Variants in ADD1 observed in about 807,000 individuals in gnomAD.
The protein encoded by ADD1 is adducin 1.
A neutral mutation model predicts 80.5 loss-of-function variants in ADD1; 24 were observed. That is an observed-to-expected ratio of 0.30 (90% CI 0.22 to 0.42). The LOEUF (loss-of-function observed/expected upper bound fraction) is 0.42, where lower values mean the gene tolerates loss of function less well. Ranked by LOEUF, ADD1 falls within the 10% of genes least tolerant of loss-of-function variation. The pLI is 1.00. For synonymous variants in ADD1, 373 were observed against 393.8 expected (o/e 0.95, Z 0.63); for missense variants, 948 against 1,019.0 (o/e 0.93, Z 0.95).
chr4:2,926,158 C>A lies in ADD1; in HGVS notation c.2047+46C>A. On this transcript the variant is annotated intron_variant, in intron 15 of 15. Coordinates refer to ENST00000683351, the MANE Select transcript of ADD1 (RefSeq NM_001354761.2). This position sits in a 1 kb window ranked among gnomAD's most constrained non-coding sequence, Gnocchi z 5.0. ...GCCGCCACTGTGGGAGGGTGCACGGCTCGTGCGCGCTGTGGCGGAATGTGG... is the reference window on the plus strand; with the variant it reads ...GCCGCCACTGTGGGAGGGTGCACGGATCGTGCGCGCTGTGGCGGAATGTGG... The A allele has an allele frequency of 6.7e-7, 1 of 1,501,658 alleles. No individual in the cohort carries two copies. The highest frequency in any genetic ancestry group is 9.3e-7 in the Non-Finnish European group (1 of 1,078,614). 93.0% of individuals were successfully genotyped at this position (1,501,658 alleles called of 1,614,324 possible).
At chr4:2,844,141 G>A (rs1222255184) in intron 1 of ADD1, 117 bp downstream of exon 1, 1 of 149,430 alleles carries the variant, frequency 6.7e-6, no homozygotes, top group African/African-American at 2.4e-5. Flanking sequence ...CGGCGGCCCG[G>A]GCAGCCTCGG....
At chr4:2,887,372 C>T (rs1313656907) in intron 4 of ADD1, 1 of 145,810 alleles carries the variant, frequency 6.9e-6, no homozygotes, top group Non-Finnish European at 1.5e-5. Flanking sequence ...TTTAAAATTG[C>T]TAACAGGTGT....
intron 14 of ADD1, among the ~76,000 whole-genome samples, chr4:2,918,695 C>T (rs1234713107): frequency 1.3e-5 from 2 of 152,016 alleles, no homozygotes; most frequent in South Asian, 4.1e-4. Context: ...TCCATCAATA[C>T]CTAGTTTATT....
chr4:2,868,168 T>A (rs1161470897), intron 1 of ADD1: 1 of 152,236 alleles, frequency 6.6e-6, no homozygotes, highest in African/African-American at 2.4e-5. Flanking sequence ...AACTGTGTCA[T>A]TAGGCTAGTA....
chr4:2,850,581 A>G (rs1490928468), intron 1 of ADD1, among the ~76,000 whole-genome samples: 2 of 152,198 alleles, frequency 1.3e-5, no homozygotes, highest in African/African-American at 4.8e-5. Context: ...GCCTGCCACC[A>G]TGCCCGGCTA....
chr4:2,856,004 G>A (rs1728003022), intron 1 of ADD1, among the ~76,000 whole-genome samples: 1 of 148,984 alleles, frequency 6.7e-6, no homozygotes, highest in Non-Finnish European at 1.5e-5. Flanking sequence ...GCATGGTGGT[G>A]CATGCCTGTA....
intron 9 of ADD1, among the ~76,000 whole-genome samples, chr4:2,903,146 GT>G (rs1327564104): frequency 6.6e-6 from 1 of 152,220 alleles, no homozygotes; most frequent in African/African-American, 2.4e-5. Flanking sequence ...TGAGAGGACT[GT>G]TTCTAGAGTA....
intron 14 of ADD1, among the ~76,000 whole-genome samples, chr4:2,923,884 G>A (rs1003727444): frequency 6.6e-6 from 1 of 152,256 alleles, no homozygotes; most frequent in Non-Finnish European, 1.5e-5. Context: ...GGACAGAAGC[G>A]CACTGCCTTC....
chr4:2,869,025 G>C (rs1282984241), intron 1 of ADD1, among the ~76,000 whole-genome samples: 1 of 152,170 alleles, frequency 6.6e-6, no homozygotes, highest in Admixed American at 6.5e-5. Context: ...TGTGTTTTCT[G>C]TGCTACTCCC....
intron 2 of ADD1, among the ~76,000 whole-genome samples, chr4:2,880,602 A>C (rs892842726): frequency 9.3e-5 from 14 of 149,744 alleles, no homozygotes; most frequent in African/African-American, 2.7e-4. Flanking sequence ...CAGCCTCCCG[A>C]GTAGCTGGGA....
At chr4:2,886,624 C>T (rs1733418658) in intron 4 of ADD1, among the ~76,000 whole-genome samples, 1 of 152,000 alleles carries the variant, frequency 6.6e-6, no homozygotes, top group Non-Finnish European at 1.5e-5. Flanking sequence ...CTGCTGTGGC[C>T]CCAGGACCCG....
intron 1 of ADD1, among the ~76,000 whole-genome samples, chr4:2,861,236 G>T (rs1728778115): frequency 6.6e-6 from 1 of 152,122 alleles, no homozygotes; most frequent in Non-Finnish European, 1.5e-5. Flanking sequence ...GGCCAAAATG[G>T]GAAGGCCCCT....
chr4:2,909,309 G>C, intron 12 of ADD1, 30 bp from the exon 13 acceptor site: 1 of 1,522,944 alleles, frequency 6.6e-7, no homozygotes, highest in Non-Finnish European at 8.9e-7. Flanking sequence ...TGGGCCTGGT[G>C]TGCTCTGGTG....
At chr4:2,871,182 A>G (rs552573974) in intron 1 of ADD1, among the ~76,000 whole-genome samples, 1 of 152,178 alleles carries the variant, frequency 6.6e-6, no homozygotes, top group South Asian at 2.1e-4. Context: ...CGTGTTAGCC[A>G]GGATGGTCTC....
At chr4:2,928,052 G>A (rs1712190871) in intron 15 of ADD1, 119 bp from the exon 16 acceptor site, 2 of 875,542 alleles carry the variant, frequency 2.3e-6, no homozygotes, top group Admixed American at 2.3e-5. Context: ...TTCTTGTCTT[G>A]GTAAAAATCT....
In ADD1 at chr4:2,867,510, C is replaced by A. The variant is rs535400781; in HGVS notation, c.-20-8386C>A. Among the ~76,000 whole-genome samples the A allele has an allele frequency of 2.0e-5, 3 of 152,316 alleles. No homozygotes were observed. The East Asian group carries it at 5.8e-4, about 29-fold the overall frequency. ...GTCTTAATTTCAGATTCTTGCTTCT[C>A]CACTTACTGCCTACTAAACCTTAAG... On this transcript the variant is annotated intron_variant, in intron 1 of 15. Transcript: ENST00000683351.
chr4:2,908,404 AG>A, intron 11 of ADD1, 110 bp from the exon 12 acceptor site: 1 of 896,340 alleles, frequency 1.1e-6, no homozygotes, highest in South Asian at 1.5e-5. Flanking sequence ...GCAGTGGGAG[AG>A]CTGAAATGTA....
intron 13 of ADD1, 114 bp from the exon 14 acceptor site, chr4:2,914,770 G>A: frequency 8.0e-7 from 1 of 1,245,902 alleles, no homozygotes; most frequent in South Asian, 1.5e-5. Flanking sequence ...CAGTCTCAGG[G>A]GTCTCTGCTC....
At chr4:2,874,162 G>T (rs1384622609) in intron 1 of ADD1, among the ~76,000 whole-genome samples, 1 of 152,186 alleles carries the variant, frequency 6.6e-6, no homozygotes, top group Non-Finnish European at 1.5e-5. Flanking sequence ...GCTGTAGTGA[G>T]CTATGATTGC....
Sources: allele counts gnomAD v4.1 joint callset (sites outside exome capture counted in the v4.1 genomes callset), GRCh38; gene constraint gnomAD v4.1.1; non-coding constraint Gnocchi (gnomAD v3.1); transcripts MANE v1.5; gene names NCBI Gene and HGNC (gene_info 2026-07-23, HGNC 2026-07-21).